The following PRKG1 variants were observed in gnomAD, a reference collection of about 807,000 sequenced individuals.
The protein encoded by PRKG1 is protein kinase cGMP-dependent 1.
In PRKG1, 35 loss-of-function variants were observed where a neutral mutation model predicts 88.1. The observed-to-expected ratio is 0.40, with a 90% CI of 0.30 to 0.53. PRKG1 has a LOEUF of 0.53. PRKG1 is among the 20% of genes least tolerant of loss of function. The pLI is 0.59. For synonymous variants in PRKG1, 303 were observed against 292.5 expected (o/e 1.04, Z -0.37); for missense variants, 540 against 839.8 (o/e 0.64, Z 4.41).
At chr10:51,195,907 T>A (rs993432445) in intron 2 of PRKG1, among the ~76,000 whole-genome samples, 1 of 152,220 alleles carries the variant, frequency 6.6e-6, no homozygotes, top group Non-Finnish European at 1.5e-5. Context: ...TATAGAGAGA[T>A]ACAGTGTTTG....
intron 1 of PRKG1, among the ~76,000 whole-genome samples, chr10:51,142,219 G>T (rs146161317): frequency 6.6e-6 from 1 of 152,094 alleles, no homozygotes; most frequent in African/African-American, 2.4e-5. Context: ...AATTCAAGAC[G>T]TGTTTCTGTA....
chr10:51,549,836 T>A (rs1842537579), intron 3 of PRKG1, among the ~76,000 whole-genome samples: 1 of 152,134 alleles, frequency 6.6e-6, no homozygotes, highest in Non-Finnish European at 1.5e-5. Flanking sequence ...AGCCTTCCGA[T>A]AAGGCAATAG....
chr10:52,174,905 A>G (rs1472818511), intron 9 of PRKG1, among the ~76,000 whole-genome samples: 2 of 152,066 alleles, frequency 1.3e-5, no homozygotes, highest in Non-Finnish European at 2.9e-5. Context: ...TGTACGGGGT[A>G]TATAATGATG....
intron 12 of PRKG1, among the ~76,000 whole-genome samples, chr10:52,278,054 A>C (rs188758672): frequency 7.0e-4 from 107 of 152,318 alleles, no homozygotes; most frequent in African/African-American, 2.4e-3. Context: ...AAATTTTTGC[A>C]ATCTATCCAT....
chr10:51,930,505 T>C (rs1355710965), intron 5 of PRKG1, among the ~76,000 whole-genome samples: 1 of 144,128 alleles, frequency 6.9e-6, no homozygotes, highest in Non-Finnish European at 1.5e-5. Flanking sequence ...CTTTTTTTTT[T>C]TTTTTTTTTT....
intron 3 of PRKG1, among the ~76,000 whole-genome samples, chr10:51,558,501 G>A (rs561628934): frequency 1.2e-4 from 18 of 152,058 alleles, no homozygotes; most frequent in Non-Finnish European, 2.2e-4. Context: ...TGTTCTTGCC[G>A]GGAAGACATG....
chr10:51,699,750 G>A (rs969080031), intron 3 of PRKG1, among the ~76,000 whole-genome samples: 1 of 152,190 alleles, frequency 6.6e-6, no homozygotes. Context: ...ATCCTTCATG[G>A]TTCTGTCAGC....
intron 5 of PRKG1, among the ~76,000 whole-genome samples, chr10:51,997,847 CTCT>C (rs1844490499): frequency 6.6e-6 from 1 of 152,036 alleles, no homozygotes. Context: ...CCCCATCTCT[CTCT>C]TTTCTTTTCT....
At chr10:51,331,848 A>G (rs908085760) in intron 2 of PRKG1, among the ~76,000 whole-genome samples, 4 of 152,184 alleles carry the variant, frequency 2.6e-5, no homozygotes, top group African/African-American at 9.7e-5. Flanking sequence ...TGGTTTTAGT[A>G]GGCCTTTAAG....
chr10:51,823,526 T>C (rs1839802377), intron 4 of PRKG1, among the ~76,000 whole-genome samples: 1 of 152,040 alleles, frequency 6.6e-6, no homozygotes, highest in Non-Finnish European at 1.5e-5. Flanking sequence ...TCATATCTAG[T>C]ATATAACATT....
chr10:51,543,460 C>T (rs1842364628), intron 3 of PRKG1, among the ~76,000 whole-genome samples: 1 of 152,166 alleles, frequency 6.6e-6, no homozygotes, highest in Non-Finnish European at 1.5e-5. Context: ...AGAAGTATAG[C>T]ATCCACATGC....
At chr10:51,903,257 T>G (rs1842018692) in intron 4 of PRKG1, among the ~76,000 whole-genome samples, 1 of 152,048 alleles carries the variant, frequency 6.6e-6, no homozygotes, top group African/African-American at 2.4e-5. Context: ...TGGACTTGGT[T>G]TGAAAACAAA....
intron 4 of PRKG1, among the ~76,000 whole-genome samples, chr10:51,887,195 G>T (rs1841592391): frequency 6.6e-6 from 1 of 152,092 alleles, no homozygotes; most frequent in Non-Finnish European, 1.5e-5. Flanking sequence ...ATATTGACCA[G>T]GCTGGCCTCG....
chr10:52,135,115 A>T (rs1174106774), intron 8 of PRKG1, among the ~76,000 whole-genome samples: 1 of 152,126 alleles, frequency 6.6e-6, no homozygotes, highest in Non-Finnish European at 1.5e-5. Context: ...CAAGGCAAAA[A>T]AAATGAGTTC....
At chr10:51,472,780 T>G (rs956299771) in intron 3 of PRKG1, among the ~76,000 whole-genome samples, 1 of 151,972 alleles carries the variant, frequency 6.6e-6, no homozygotes, top group South Asian at 2.1e-4. Context: ...ACCCAGGTAC[T>G]GTCATGCTTG....
chr10:51,901,239 G>T (rs886135456), intron 4 of PRKG1, among the ~76,000 whole-genome samples: 2 of 152,158 alleles, frequency 1.3e-5, no homozygotes, highest in Non-Finnish European at 2.9e-5. Context: ...TGTGTTCATT[G>T]CCACATATTC....
chr10:51,738,088 G>T (rs532602650), intron 3 of PRKG1, among the ~76,000 whole-genome samples: 1 of 152,034 alleles, frequency 6.6e-6, no homozygotes, highest in East Asian at 1.9e-4. Context: ...TTTTTTAAAA[G>T]CTCCCAGGAT....
Position 51,336,355 on chromosome 10 carries a change from AAAAT to A in PRKG1, c.479-131344_479-131341del, listed in dbSNP as rs537286851. ...GCAACAGAGCAAGACTCCATCTCAA[AAAAT>A]AAATAAATAAATAAATAAATAAAAT... is the stretch of plus-strand genomic sequence containing the variant. On this transcript the variant is annotated intron_variant, in intron 2 of 17. Coordinates refer to ENST00000373980, the MANE Select transcript of PRKG1 (RefSeq NM_006258.4). Among the ~76,000 whole-genome samples the A allele has an allele frequency of 8.2e-3, 1,239 of 151,490 alleles. 15 individuals are homozygous for A. Among genetic ancestry groups the A allele is most frequent in the African/African-American group, 0.029 (1,184 of 41,194 alleles).
chr10:51,675,947 G>T (rs1840699607), intron 3 of PRKG1, among the ~76,000 whole-genome samples: 1 of 151,928 alleles, frequency 6.6e-6, no homozygotes, highest in South Asian at 2.1e-4. Flanking sequence ...TTTCAGGGAG[G>T]GTCGTGGGCC....
Sources: gnomAD v4.1 joint callset for allele counts (sites outside exome capture counted in the v4.1 genomes callset) on GRCh38, gnomAD v4.1.1 for gene constraint, MANE v1.5 for transcripts, NCBI Gene and HGNC (gene_info 2026-07-23, HGNC 2026-07-21) for gene names.